The following NRXN1 variants were observed in gnomAD, a reference collection of about 807,000 sequenced individuals.
NRXN1 encodes the protein neurexin-1.
In NRXN1, 39 loss-of-function variants were observed where a neutral mutation model predicts 150.9. The observed-to-expected ratio is 0.26, with a 90% CI of 0.20 to 0.34. The LOEUF is 0.34. NRXN1 is among the 10% of genes least tolerant of loss of function. The pLI is 1.00. For synonymous variants in NRXN1, 924 were observed against 757.0 expected, an observed-to-expected ratio of 1.22 and a Z score of -3.62; for missense variants, 1,815 against 1,949.9, an observed-to-expected ratio of 0.93 and a Z score of 1.30.
intron 17 of NRXN1, among the ~76,000 whole-genome samples, chr2:50,282,063 T>G (rs2071532608): frequency 6.6e-6 from 1 of 152,200 alleles, no homozygotes; most frequent in Admixed American, 6.5e-5. Flanking sequence ...TTAATCAAAA[T>G]GTCTTACAGT....
At chr2:50,075,463 A>C (rs1425609125) in intron 19 of NRXN1, among the ~76,000 whole-genome samples, 2 of 152,182 alleles carry the variant, frequency 1.3e-5, no homozygotes, top group African/African-American at 2.4e-5. Flanking sequence ...AACAGGAATA[A>C]ACTGAACACC....
intron 18 of NRXN1, among the ~76,000 whole-genome samples, chr2:50,201,869 A>G (rs1476013101): frequency 6.6e-6 from 1 of 152,184 alleles, no homozygotes; most frequent in Non-Finnish European, 1.5e-5. Flanking sequence ...AGCTAGCATC[A>G]CATTGTTCTT....
Position 50,332,758 on chromosome 2 carries a change from T to A in NRXN1, c.3365-95788A>T, listed in dbSNP as rs372938619. 1.9e-4 allele frequency among the ~76,000 whole-genome samples: 29 copies of A among 152,334 alleles called. 1 individual carries two copies. The highest frequency in any genetic ancestry group is 6.7e-4 in the African/African-American group (28 of 41,584). Reference sequence around the variant, plus strand: ...ATATGTAGCTTCTTGTCACTGTTCATCTAAAAAACATCACAACATTAAACT... The same window carrying A: ...ATATGTAGCTTCTTGTCACTGTTCAACTAAAAAACATCACAACATTAAACT... On this transcript the variant is annotated intron_variant, in intron 17 of 22. Transcript: ENST00000401669.
At position 50,389,911 on chromosome 2, in the gene NRXN1, T is replaced by C. The variant is rs552990745; in HGVS notation, c.3364+75531A>G. Among the ~76,000 whole-genome samples the C allele has an allele frequency of 1.6e-4, 24 of 152,338 alleles. No homozygotes were observed. In the East Asian group the frequency reaches 4.4e-3, roughly 28 times the overall value. On this transcript the variant is annotated intron_variant, in intron 17 of 22. Coordinates refer to ENST00000401669, the MANE Select transcript of NRXN1 (RefSeq NM_001330078.2). ...TTGCTGGTTATACTTGGTGATGTTA[T>C]GGTATCTAATTTCTTTTCGTGAAAA...
chr2:50,835,664 T>C (rs1355205487), intron 5 of NRXN1, among the ~76,000 whole-genome samples: 1 of 152,198 alleles, frequency 6.6e-6, no homozygotes, highest in African/African-American at 2.4e-5. Context: ...TAATCCTAAA[T>C]GAATAATAAT....
intron 5 of NRXN1, among the ~76,000 whole-genome samples, chr2:50,862,505 A>G (rs1380519472): frequency 6.6e-6 from 1 of 152,030 alleles, no homozygotes; most frequent in Non-Finnish European, 1.5e-5. Flanking sequence ...TCTAAGGTCA[A>G]CTCATGTGTA....
chr2:50,599,080 T>C (rs1675815473), intron 8 of NRXN1, among the ~76,000 whole-genome samples: 1 of 152,102 alleles, frequency 6.6e-6, no homozygotes, highest in Non-Finnish European at 1.5e-5. Flanking sequence ...CCAACTCTCC[T>C]ATTTCTTTTA....
rs565983045 is a variant in NRXN1 at position 50,675,635 on chromosome 2, C to G, written c.833-52020G>C. On this transcript the variant is annotated intron_variant, in intron 5 of 22. Transcript: ENST00000401669. ...AATGTAAACAAACAATATATATCAT[C>G]TCAGAAATTCAATTAAACCATGAAT... 3.3e-5 allele frequency among the ~76,000 whole-genome samples: 5 copies of G among 152,246 alleles called. No homozygotes were observed. In the South Asian group the frequency reaches 1.0e-3, roughly 32 times the overall value.
At chr2:50,504,367 C>T (rs555174236) in intron 13 of NRXN1, among the ~76,000 whole-genome samples, 2 of 151,892 alleles carry the variant, frequency 1.3e-5, no homozygotes, top group Non-Finnish European at 2.9e-5. Flanking sequence ...TGAAGTATTT[C>T]GGGTTAAAGG....
At chr2:50,928,904 T>C (rs1687320521) in intron 2 of NRXN1, among the ~76,000 whole-genome samples, 1 of 152,082 alleles carries the variant, frequency 6.6e-6, no homozygotes, top group Non-Finnish European at 1.5e-5. Context: ...CCACGCCACC[T>C]ATAAAGATCA....
intron 17 of NRXN1, among the ~76,000 whole-genome samples, chr2:50,262,615 C>G (rs937530560): frequency 1.3e-5 from 2 of 151,872 alleles, no homozygotes; most frequent in Non-Finnish European, 2.9e-5. Flanking sequence ...TCTTATGAGC[C>G]TTAGTAGGTT....
At chr2:50,683,646 A>AAAAAAAAAAAAAAATATATATAT in intron 5 of NRXN1, among the ~76,000 whole-genome samples, 11 of 14,904 alleles carry the variant, frequency 7.4e-4, no homozygotes, top group African/African-American at 1.8e-3. Context: ...AAAAAAAAAA[A>AAAAAAAAAAAAAAATATATATAT]ATATATATAT....
At chr2:50,829,721 A>G in intron 5 of NRXN1, 1 of 1,594,132 alleles carries the variant, frequency 6.3e-7, no homozygotes, top group Non-Finnish European at 8.5e-7. Context: ...GAGCTCGCCC[A>G]CGGTTGGCAG....
chr2:50,902,073 T>C (rs900607217), intron 5 of NRXN1, among the ~76,000 whole-genome samples: 1 of 152,138 alleles, frequency 6.6e-6, no homozygotes, highest in Non-Finnish European at 1.5e-5. Context: ...GTGAGTGTAA[T>C]AATGTACTAT....
chr2:50,278,296 A>AAT (rs1553368741), intron 17 of NRXN1, among the ~76,000 whole-genome samples: 2 of 72,152 alleles, frequency 2.8e-5, no homozygotes, highest in East Asian at 5.6e-4. Context: ...ATACATATAT[A>AAT]ATATATATTT....
chr2:50,092,540 C>G (rs1699729195), intron 18 of NRXN1, among the ~76,000 whole-genome samples: 1 of 152,190 alleles, frequency 6.6e-6, no homozygotes, highest in Admixed American at 6.6e-5. Flanking sequence ...AAAGTACACA[C>G]AGTCCATCCT....
intron 5 of NRXN1, among the ~76,000 whole-genome samples, chr2:50,680,648 G>T (rs536871471): frequency 6.6e-6 from 1 of 152,016 alleles, no homozygotes; most frequent in South Asian, 2.1e-4. Flanking sequence ...CACAGCCTTT[G>T]TGAGATAGAA....
chr2:50,370,347 G>A (rs1294881536), intron 17 of NRXN1, among the ~76,000 whole-genome samples: 2 of 152,084 alleles, frequency 1.3e-5, no homozygotes, highest in East Asian at 3.9e-4. Flanking sequence ...GAATTTGTAG[G>A]ATGTGCTTAG....
At chr2:50,979,294 T>C (rs959210010) in intron 2 of NRXN1, 1 of 517,886 alleles carries the variant, frequency 1.9e-6, no homozygotes, top group East Asian at 5.5e-5. Flanking sequence ...AAGAGAGAAC[T>C]TCCTCACCCA....
Sources: allele counts gnomAD v4.1 joint callset (sites outside exome capture counted in the v4.1 genomes callset), GRCh38; gene constraint gnomAD v4.1.1; transcripts MANE v1.5; gene names NCBI Gene and HGNC (gene_info 2026-07-23, HGNC 2026-07-21).